TOB1: variants seen among roughly 807,000 people sequenced by gnomAD.
The protein encoded by TOB1 is protein Tob1.
Under a neutral mutation model 22.9 loss-of-function variants are expected in TOB1, and 2 were observed. That is an observed-to-expected ratio of 0.09 (90% CI 0.04 to 0.28). The LOEUF is 0.28. Among genes scored for constraint, TOB1 ranks in the 10% least tolerant of loss-of-function variants. The pLI, the probability that TOB1 is intolerant of heterozygous loss-of-function variation, is 1.00. For synonymous variants in TOB1, 154 were observed against 150.6 expected (o/e 1.02, Z -0.17); for missense variants, 299 against 420.5 (o/e 0.71, Z 2.53).
rs777132832 is a variant in TOB1, at chr17:50,863,337, G to A, written c.681C>T (p.His227=). 11 of 1,614,178 alleles carry A rather than the reference G, an allele frequency of 6.8e-6. No individual in the cohort carries two copies. The East Asian group carries it at 2.5e-4, about 36-fold the overall frequency. The change falls in exon 2 of 2, where the codon CAC becomes CAT. Residue 227 remains histidine (H), a synonymous_variant. Transcript: ENST00000499247. ...LKQKAISSSM[H]SLYGLGLGSQ... ...TACCCAAGCCAAGCCCATACAGAGAGTGCATTGAGGAAGAGATGGCTTTCT... is the reference window on the plus strand; with the variant it reads ...TACCCAAGCCAAGCCCATACAGAGAATGCATTGAGGAAGAGATGGCTTTCT...
chr17:50,863,176 C>T lies in TOB1; in HGVS notation c.842G>A (p.Gly281Asp), dbSNP rs756279784. The T allele has an allele frequency of 1.2e-6, 2 of 1,614,112 alleles. No homozygotes were observed. Among genetic ancestry groups the T allele is most frequent in the Non-Finnish European group, 1.7e-6 (2 of 1,180,030 alleles). Reference protein sequence around the residue: ...AKEFIFPNMQGQGSSTNGMFP... With the variant: ...AKEFIFPNMQDQGSSTNGMFP... ...CATTCCATTGGTACTACTACCTTGA[C>T]CCTGCATATTAGGAAAAATAAATTC... Residue 281 changes from glycine (G) to aspartate (D), a missense_variant, in exon 2 of 2, where the codon GGT (glycine) becomes GAT (aspartate). By Grantham distance (94) the Gly-to-Asp change is moderately conservative (BLOSUM62 -1). Coordinates refer to ENST00000499247, the MANE Select transcript of TOB1 (RefSeq NM_005749.4).
intron 1 of TOB1, among the ~76,000 whole-genome samples, 199 bp downstream of exon 1, chr17:50,865,859 G>C (rs1287256164): frequency 3.3e-5 from 5 of 151,678 alleles, no homozygotes; most frequent in African/African-American, 4.8e-5. Flanking sequence ...TGCCCAGGAC[G>C]AGCCCGACGC....
chr17:50,865,265 T>C (rs922508976), intron 1 of TOB1, among the ~76,000 whole-genome samples: 1 of 152,210 alleles, frequency 6.6e-6, no homozygotes, highest in Admixed American at 6.5e-5. Context: ...CTACAAACAC[T>C]TTCCAAGTCA....
At position 50,863,074 on chromosome 17, in the gene TOB1, C is replaced by A; in HGVS notation, c.944G>T (p.Gly315Val). ...ATCTACAAAAGATTTCTCATTGAGGCCTCCATAGGCTGCAAACACATCAAA... is the reference window on the plus strand; with the variant it reads ...ATCTACAAAAGATTTCTCATTGAGGACTCCATAGGCTGCAAACACATCAAA... ...NAFDVFAAYG[G>V]LNEKSFVDGL... is the part of the protein sequence containing the mutation. The change falls in exon 2 of 2, where the codon GGC becomes GTC. Residue 315 changes from glycine to valine, a missense_variant. Coordinates refer to ENST00000499247, the MANE Select transcript of TOB1 (RefSeq NM_005749.4). 2 of 1,614,130 alleles carry A rather than the reference C, an allele frequency of 1.2e-6. No individual in the cohort carries two copies. The highest frequency in any genetic ancestry group is 1.7e-6 in the Non-Finnish European group (2 of 1,180,036).
chr17:50,865,801 C>T lies in TOB1; in HGVS notation c.-147+257G>A, dbSNP rs1423243816. ...CTCGTCGCTCCTCCGGGCACCCCAA[C>T]CCCCCAATTCCCGTCAGCTCGCCCC... On this transcript the variant is annotated intron_variant, in intron 1 of 1. Transcript: ENST00000499247. 2.6e-5 allele frequency among the ~76,000 whole-genome samples: 4 copies of T among 151,988 alleles called. No homozygotes were observed. The East Asian group carries it at 5.8e-4, about 22-fold the overall frequency.
At position 50,863,118 on chromosome 17, in the gene TOB1, A is replaced by G. The variant is rs1972238599; in HGVS notation, c.900T>C (p.Pro300=). Residue 300 remains proline, a synonymous_variant, in exon 2 of 2, where the codon CCT becomes CCC. Coordinates refer to ENST00000499247, the MANE Select transcript of TOB1 (RefSeq NM_005749.4). ...FPGDSPLNLS[P]LQYSNAFDVF... ...CATCAAAGGCATTACTGTACTGGAGAGGACTGAGGTTAAGGGGGCTGTCAC... is the reference window on the plus strand; with the variant it reads ...CATCAAAGGCATTACTGTACTGGAGGGGACTGAGGTTAAGGGGGCTGTCAC... 1 of 1,614,040 alleles carries G rather than the reference A, an allele frequency of 6.2e-7. No homozygotes were observed. The highest frequency in any genetic ancestry group is 1.7e-5 in the Admixed American group (1 of 59,986).
intron 1 of TOB1, among the ~76,000 whole-genome samples, chr17:50,864,668 G>T (rs1360546295): frequency 2.6e-5 from 4 of 152,052 alleles, no homozygotes; most frequent in Non-Finnish European, 5.9e-5. Flanking sequence ...TTAAAAATTT[G>T]GTTACGTTAG....
In TOB1 at chr17:50,862,895, TAAA is replaced by T; in HGVS notation, c.*82_*84del. ...CTTGAATGTATCCTTACTATAAGCT[TAAA>T]AAAAAAAATTCTCAAGGAGGTGAAA... On this transcript the variant is annotated 3_prime_UTR_variant, in exon 2 of 2. Transcript: ENST00000499247. The T allele has an allele frequency of 8.4e-7, 1 of 1,184,950 alleles. No individual in the cohort carries two copies. Among genetic ancestry groups the T allele is most frequent in the Non-Finnish European group, 1.1e-6 (1 of 885,804 alleles). 73.4% of individuals were successfully genotyped at this position (1,184,950 alleles called of 1,614,324 possible). A position where few individuals can be genotyped will look rare whatever the true frequency, so the allele number is the denominator to read the frequency against.
Position 50,863,313 on chromosome 17 carries a change from A to C in TOB1, c.705T>G (p.Gly235=), listed in dbSNP as rs780263397. The C allele has an allele frequency of 9.3e-6, 15 of 1,613,930 alleles. No homozygotes were observed. The African/African-American group carries it at 1.7e-4, about 19-fold the overall frequency. Residue 235 remains glycine, a synonymous_variant, in exon 2 of 2, where the codon GGT becomes GGG. Transcript: ENST00000499247. ...GCTGTTGCTGTGGCTGCTGCTGGCT[A>C]CCCAAGCCAAGCCCATACAGAGAGT... ...SMHSLYGLGL[G]SQQQPQQQQQ...
In TOB1 at chr17:50,863,609, G is replaced by C. The variant is rs1168885846; in HGVS notation, c.409C>G (p.Gln137Glu). 1 of 1,614,002 alleles carries C rather than the reference G, an allele frequency of 6.2e-7. No homozygotes were observed. Among genetic ancestry groups the C allele is most frequent in the East Asian group, 2.2e-5 (1 of 44,902 alleles). ...EIKNSFNPEA[Q>E]VFMPISDPAS... ...GGGTCACTTATGGGCATAAAAACCTGGGCCTCTGGGTTAAAGCTGTTTTTG... is the reference window on the plus strand; with the variant it reads ...GGGTCACTTATGGGCATAAAAACCTCGGCCTCTGGGTTAAAGCTGTTTTTG... Residue 137 changes from glutamine (Q) to glutamate (E), a missense_variant, in exon 2 of 2, where the codon CAG becomes GAG. By Grantham distance (29) the Gln-to-Glu change is conservative. Transcript: ENST00000499247.
chr17:50,863,895 T>C lies in TOB1; in HGVS notation c.123A>G (p.Glu41=), dbSNP rs1216723164. The change falls in exon 2 of 2, where the codon GAA becomes GAG. Residue 41 remains glutamate, a synonymous_variant. Transcript: ENST00000499247. ...ELERLLKKKY[E]GHWYPEKPYK... ...ATGGCTTTTCAGGATACCAGTGCCC[T>C]TCATATTTCTTCTTAAGAAGTCTTT... 6.2e-7 allele frequency: 1 copy of C among 1,613,982 alleles called. No individual in the cohort carries two copies. Among genetic ancestry groups the C allele is most frequent in the Non-Finnish European group, 8.5e-7 (1 of 1,180,024 alleles).
At chr17:50,864,904 A>G (rs1383024462) in intron 1 of TOB1, among the ~76,000 whole-genome samples, 4 of 152,238 alleles carry the variant, frequency 2.6e-5, no homozygotes, top group Non-Finnish European at 5.9e-5. Context: ...AAGTATAACA[A>G]AAGCAAAGAC....
At chr17:50,864,727 T>C (rs1206259411) in intron 1 of TOB1, among the ~76,000 whole-genome samples, 1 of 152,226 alleles carries the variant, frequency 6.6e-6, no homozygotes. Context: ...TTAAAGACAC[T>C]GAGTACTAAA....
At chr17:50,866,403 C>G (rs1373398846), upstream of TOB1, 1 of 152,048 alleles carries the variant, frequency 6.6e-6, no homozygotes, top group Non-Finnish European at 1.5e-5. Flanking sequence ...TCCCCGCCCC[C>G]ATCCCCTCCG....
chr17:50,863,939 T>C lies in TOB1; in HGVS notation c.79A>G (p.Ile27Val). The C allele has an allele frequency of 6.2e-7, 1 of 1,613,402 alleles. No homozygotes were observed. The highest frequency in any genetic ancestry group is 8.5e-7 in the Non-Finnish European group (1 of 1,179,980). ...AGTCTTTCAAGTTCTTCACCAAAAA[T>C]GTTGACACGTCTCCTGGGAAGCTTA... ...YNKLPRRRVN[I>V]FGEELERLLK... The change falls in exon 2 of 2, where the codon ATT (isoleucine) becomes GTT (valine). Residue 27 changes from isoleucine (I) to valine (V), a missense_variant. Ile to Val is a conservative substitution (Grantham distance 29, BLOSUM62 3). Transcript: ENST00000499247.
intron 1 of TOB1, among the ~76,000 whole-genome samples, chr17:50,865,333 G>C (rs1972280044): frequency 6.6e-6 from 1 of 152,176 alleles, no homozygotes; most frequent in Non-Finnish European, 1.5e-5. Flanking sequence ...AGGTGCAGCC[G>C]AGCGAAATTC....
rs1187239066 is a variant in TOB1 at position 50,864,005 on chromosome 17, T to C, written c.13A>G (p.Ile5Val). Residue 5 changes from isoleucine to valine, a missense_variant, in exon 2 of 2, where the codon ATC (isoleucine) becomes GTC (valine). By Grantham distance (29) the Ile-to-Val change is conservative. Coordinates refer to ENST00000499247, the MANE Select transcript of TOB1 (RefSeq NM_005749.4). MQLE[I>V]QVALNFIISY... ...ATAATAAAATTTAGTGCTACTTGGA[T>C]TTCAAGCTGCATAGCTGCTACGCCA... is the stretch of plus-strand genomic sequence containing the variant. 6.4e-7 allele frequency: 1 copy of C among 1,567,772 alleles called. No homozygotes were observed. The highest frequency in any genetic ancestry group is 1.4e-5 in the African/African-American group (1 of 69,474).
upstream of TOB1, chr17:50,867,239 T>TACAC (rs1175672815): frequency 6.6e-6 from 1 of 152,312 alleles, no homozygotes; most frequent in African/African-American, 2.4e-5. Context: ...TGTCCATGTC[T>TACAC]ACACACACAC....
chr17:50,863,298 T>C lies in TOB1; in HGVS notation c.720A>G (p.Pro240=), dbSNP rs1972244036. 1 of 1,613,586 alleles carries C rather than the reference T, an allele frequency of 6.2e-7. No individual in the cohort carries two copies. Among genetic ancestry groups the C allele is most frequent in the South Asian group, 1.1e-5 (1 of 91,080 alleles). Residue 240 remains proline, a synonymous_variant, in exon 2 of 2, where the codon CCA becomes CCG. Coordinates refer to ENST00000499247, the MANE Select transcript of TOB1 (RefSeq NM_005749.4). ...GCTGGGCTGGCTGCTGCTGTTGCTGTGGCTGCTGCTGGCTACCCAAGCCAA... is the reference window on the plus strand; with the variant it reads ...GCTGGGCTGGCTGCTGCTGTTGCTGCGGCTGCTGCTGGCTACCCAAGCCAA... The part of the protein sequence containing the change: ...YGLGLGSQQQ[P]QQQQQPAQPP...
Sources: gnomAD v4.1 joint callset for allele counts (sites outside exome capture counted in the v4.1 genomes callset) on GRCh38, gnomAD v4.1.1 for gene constraint, MANE v1.5 for transcripts, NCBI Gene and HGNC (gene_info 2026-07-23, HGNC 2026-07-21) for gene names.